Variants in GKAP1 observed in about 807,000 individuals in gnomAD.
GKAP1 encodes the protein G kinase anchoring protein 1.
GKAP1 carries 31 observed loss-of-function variants against 56.7 expected under a neutral mutation model. That is an observed-to-expected ratio of 0.55 (90% CI 0.41 to 0.74). The LOEUF (loss-of-function observed/expected upper bound fraction) is 0.74, where lower values mean the gene tolerates loss of function less well. GKAP1 is among the 30% of genes least tolerant of loss of function. The pLI is 0.00. For missense variants in GKAP1, 364 were observed against 402.3 expected (o/e 0.90, Z 0.82); for synonymous variants, 151 against 138.6 (o/e 1.09, Z -0.63).
chr9:83,772,665 T>C (rs1169445648), intron 7 of GKAP1, among the ~76,000 whole-genome samples: 2 of 152,170 alleles, frequency 1.3e-5, no homozygotes, highest in African/African-American at 2.4e-5. Context: ...AGGCAAGGCA[T>C]AGCCTGGAAG....
chr9:83,779,695 C>T (rs1010649028), intron 7 of GKAP1, among the ~76,000 whole-genome samples: 12 of 149,252 alleles, frequency 8.0e-5, no homozygotes, highest in Non-Finnish European at 1.8e-4. Flanking sequence ...CAACGGAATG[C>T]CTAATAAGAA....
At chr9:83,751,682 A>G (rs1943391870) in intron 9 of GKAP1, among the ~76,000 whole-genome samples, 1 of 152,178 alleles carries the variant, frequency 6.6e-6, no homozygotes, top group South Asian at 2.1e-4. Context: ...ACAGGCACTC[A>G]ATAAATAATT....
At chr9:83,798,777 A>G (rs982315202) in intron 4 of GKAP1, among the ~76,000 whole-genome samples, 1 of 152,098 alleles carries the variant, frequency 6.6e-6, no homozygotes, top group Non-Finnish European at 1.5e-5. Flanking sequence ...CAGACTCCCA[A>G]ATTGCTGGGA....
chr9:83,766,691 C>A (rs575997794), intron 8 of GKAP1, among the ~76,000 whole-genome samples: 1 of 151,996 alleles, frequency 6.6e-6, no homozygotes, highest in Non-Finnish European at 1.5e-5. Flanking sequence ...CAGATGGGAA[C>A]CAGATTATTC....
chr9:83,776,729 T>C (rs1218806492), intron 7 of GKAP1, among the ~76,000 whole-genome samples: 2 of 152,218 alleles, frequency 1.3e-5, no homozygotes, highest in African/African-American at 4.8e-5. Flanking sequence ...TACACTCCTG[T>C]GTGTTGGTAG....
chr9:83,775,524 T>C (rs1943842954), intron 7 of GKAP1, among the ~76,000 whole-genome samples: 1 of 151,956 alleles, frequency 6.6e-6, no homozygotes, highest in South Asian at 2.1e-4. Flanking sequence ...AGAAAACAAC[T>C]TGATGGATGA....
chr9:83,811,706 CTT>C, intron 2 of GKAP1, among the ~76,000 whole-genome samples: 1 of 152,262 alleles, frequency 6.6e-6, no homozygotes, highest in Non-Finnish European at 1.5e-5. Flanking sequence ...TTAATGACCT[CTT>C]GTTTGATCAG....
intron 7 of GKAP1, among the ~76,000 whole-genome samples, chr9:83,775,501 C>G (rs1943842667): frequency 6.6e-6 from 1 of 152,058 alleles, no homozygotes; most frequent in Non-Finnish European, 1.5e-5. Context: ...TTCTTGCCTC[C>G]CTCAACTCCT....
At chr9:83,748,054 C>T (rs902893435) in intron 10 of GKAP1, among the ~76,000 whole-genome samples, 1 of 152,092 alleles carries the variant, frequency 6.6e-6, no homozygotes, top group African/African-American at 2.4e-5. Context: ...TATTTTGATA[C>T]AGGCATACAA....
rs369900533 is a variant in GKAP1, at chr9:83,810,102, G to A, written c.-43-3542C>T. Among the ~76,000 whole-genome samples, 30 of 152,256 alleles carry A rather than the reference G, an allele frequency of 2.0e-4. No individual in the cohort carries two copies. In the East Asian group the frequency reaches 3.3e-3, roughly 17 times the overall value. ...GCTGGGATTACAGGCATGAGCCACC[G>A]CAACTGCCCCAAATCCTTTCATTTT... On this transcript the variant is annotated intron_variant, in intron 2 of 12. Coordinates refer to ENST00000376371, the MANE Select transcript of GKAP1 (RefSeq NM_025211.4).
chr9:83,803,793 C>T (rs1399682445), intron 3 of GKAP1, among the ~76,000 whole-genome samples: 1 of 151,042 alleles, frequency 6.6e-6, no homozygotes, highest in Non-Finnish European at 1.5e-5. Context: ...GCCGCCATCC[C>T]ATCTAGGAAG....
At chr9:83,747,891 C>T (rs1271673144) in intron 10 of GKAP1, among the ~76,000 whole-genome samples, 1 of 152,154 alleles carries the variant, frequency 6.6e-6, no homozygotes, top group African/African-American at 2.4e-5. Context: ...CCCACCTTGG[C>T]CTCCCAAAGT....
At chr9:83,793,022 T>C (rs907149783) in intron 4 of GKAP1, 9 of 1,273,972 alleles carry the variant, frequency 7.1e-6, no homozygotes, top group Middle Eastern at 2.1e-4. Context: ...CCCCATCTAG[T>C]AGTAAAACAT....
chr9:83,745,795 ATT>A (rs534829233), intron 10 of GKAP1, among the ~76,000 whole-genome samples: 2 of 145,326 alleles, frequency 1.4e-5, no homozygotes, highest in South Asian at 2.2e-4. Context: ...TTTTCCCCGT[ATT>A]TTTTTTTTTT....
At chr9:83,816,801 A>C (rs1944610115) in intron 2 of GKAP1, among the ~76,000 whole-genome samples, 195 bp downstream of exon 2, 1 of 152,210 alleles carries the variant, frequency 6.6e-6, no homozygotes, top group African/African-American at 2.4e-5. Context: ...AAAGAGGAGG[A>C]AGAGAAAAGG....
At chr9:83,790,791 GAC>G (rs1944144762) in intron 4 of GKAP1, among the ~76,000 whole-genome samples, 1 of 151,998 alleles carries the variant, frequency 6.6e-6, no homozygotes, top group Admixed American at 6.6e-5. Context: ...CAGACTAGAT[GAC>G]AGAGTGGGAC....
chr9:83,788,249 G>C (rs1046480804), intron 5 of GKAP1, among the ~76,000 whole-genome samples: 1 of 152,190 alleles, frequency 6.6e-6, no homozygotes, highest in Non-Finnish European at 1.5e-5. Context: ...CTGCACTCCA[G>C]CCTGGGCAAG....
intron 8 of GKAP1, among the ~76,000 whole-genome samples, chr9:83,765,473 A>G (rs756819267): frequency 1.3e-5 from 2 of 152,178 alleles, no homozygotes; most frequent in Admixed American, 6.5e-5. Context: ...AGAAGGAACC[A>G]CTGTCCTCCA....
chr9:83,812,009 T>C (rs1944511923), intron 2 of GKAP1, among the ~76,000 whole-genome samples: 1 of 151,972 alleles, frequency 6.6e-6, no homozygotes. Flanking sequence ...AATGTAATTT[T>C]AAATGAAAGA....
Sources: allele counts gnomAD v4.1 joint callset (sites outside exome capture counted in the v4.1 genomes callset), GRCh38; gene constraint gnomAD v4.1.1; transcripts MANE v1.5; gene names NCBI Gene and HGNC (gene_info 2026-07-23, HGNC 2026-07-21).